The following FAAH2 variants were observed in gnomAD, a reference collection of about 807,000 sequenced individuals.
FAAH2 encodes fatty acid amide hydrolase 2.
FAAH2 carries 60 observed loss-of-function variants against 36.9 expected under a neutral mutation model. The observed-to-expected ratio is 1.63, with a 90% CI of 1.32 to 2.02. The LOEUF is 2.02. Ranked by LOEUF, FAAH2 falls within the 30% of genes most tolerant of loss-of-function variation. FAAH2 has a pLI of 0.00. For synonymous variants in FAAH2, 214 were observed against 143.8 expected (o/e 1.49, Z -3.49); for missense variants, 689 against 397.5 (o/e 1.73, Z -6.23).
At chrX:57,479,141 T>G (rs147963066) in intron 10 of FAAH2, among the ~76,000 whole-genome samples, 3 of 110,444 alleles carry the variant, frequency 2.7e-5, no homozygotes, top group East Asian at 2.8e-4. Flanking sequence ...TCTTCCATTT[T>G]TTTGTATCCT....
chrX:57,156,455 C>T, the FAAH2 span, among the ~76,000 whole-genome samples: 1 of 111,794 alleles, frequency 8.9e-6, no homozygotes, highest in Non-Finnish European at 1.9e-5. Context: ...TCTTCAGTAT[C>T]TGGGCATTGA....
chrX:57,362,069 C>T (rs1228983887), intron 5 of FAAH2, among the ~76,000 whole-genome samples: 1 of 111,075 alleles, frequency 9.0e-6, no homozygotes, highest in Non-Finnish European at 1.9e-5. Context: ...ATGGTCCTTT[C>T]TTTGTTCTTG....
chrX:57,460,205 G>A (rs1335878233), intron 10 of FAAH2, among the ~76,000 whole-genome samples: 2 of 111,753 alleles, frequency 1.8e-5, no homozygotes, highest in Middle Eastern at 4.7e-3. Flanking sequence ...AAGTGATGAG[G>A]AGAATGGAAC....
At chrX:57,238,001 G>A in the FAAH2 span, among the ~76,000 whole-genome samples, 1 of 111,370 alleles carries the variant, frequency 9.0e-6, no homozygotes, top group Non-Finnish European at 1.9e-5. Context: ...AACATAGCAG[G>A]TATTGGCAAG....
At chrX:57,135,634 G>A in the FAAH2 span, 2 of 979,613 alleles carry the variant, frequency 2.0e-6, no homozygotes, top group Non-Finnish European at 2.7e-6. Context: ...AAGACAAAGG[G>A]CTTACAGACA....
chrX:57,237,769 C>T, the FAAH2 span, among the ~76,000 whole-genome samples: 6 of 110,296 alleles, frequency 5.4e-5, no homozygotes, highest in African/African-American at 2.0e-4. Context: ...ATCTAATATC[C>T]AGCATCTATA....
At chrX:57,137,433 C>T in the FAAH2 span, 2 of 669,001 alleles carry the variant, frequency 3.0e-6, no homozygotes, top group Non-Finnish European at 3.6e-6. Flanking sequence ...CGCTCGCTGG[C>T]CGTCTACCTC....
chrX:57,183,346 T>G, the FAAH2 span, among the ~76,000 whole-genome samples: 14 of 106,177 alleles, frequency 1.3e-4, no homozygotes, highest in African/African-American at 4.2e-4. Context: ...TAGTAATTAA[T>G]ACATTGAAAA....
chrX:57,251,275 G>A, the FAAH2 span, among the ~76,000 whole-genome samples: 1 of 112,012 alleles, frequency 8.9e-6, no homozygotes, highest in Non-Finnish European at 1.9e-5. Context: ...AATAGATGCA[G>A]TGAAAGCGTT....
intron 10 of FAAH2, among the ~76,000 whole-genome samples, chrX:57,464,806 G>T (rs771408663): frequency 9.0e-6 from 1 of 111,165 alleles, no homozygotes; most frequent in South Asian, 3.7e-4. Flanking sequence ...ATTTACTCAA[G>T]TAACAAATCT....
intron 2 of FAAH2, among the ~76,000 whole-genome samples, chrX:57,297,503 C>T (rs965025463): frequency 1.0e-5 from 1 of 99,164 alleles, no homozygotes; most frequent in Non-Finnish European, 2.0e-5. Context: ...AAAAACCTGC[C>T]AAATTGTAAA....
chrX:57,189,168 T>A, the FAAH2 span, among the ~76,000 whole-genome samples: 1 of 110,859 alleles, frequency 9.0e-6, no homozygotes, highest in Non-Finnish European at 1.9e-5. Flanking sequence ...TTCTTCCACT[T>A]GATCAGTTTG....
At chrX:57,123,904 C>A in the FAAH2 span, among the ~76,000 whole-genome samples, 3 of 111,858 alleles carry the variant, frequency 2.7e-5, no homozygotes, top group Admixed American at 2.8e-4. Context: ...TGGATATTAG[C>A]CCTTTGTCAG....
At chrX:57,220,176 C>A in the FAAH2 span, among the ~76,000 whole-genome samples, 1 of 108,837 alleles carries the variant, frequency 9.2e-6, no homozygotes, top group Non-Finnish European at 1.9e-5. Context: ...CTGCTGTCCA[C>A]CCCTCCCAGC....
At chrX:57,487,826 C>A (rs903465226) in intron 10 of FAAH2, among the ~76,000 whole-genome samples, 3 of 111,670 alleles carry the variant, frequency 2.7e-5, no homozygotes, top group Non-Finnish European at 3.8e-5. Flanking sequence ...AAGACATAAA[C>A]AAATGTGTAA....
chrX:57,373,056 A>G (rs755416863), intron 5 of FAAH2, among the ~76,000 whole-genome samples: 1 of 111,592 alleles, frequency 9.0e-6, no homozygotes, highest in East Asian at 2.8e-4. Flanking sequence ...CCAATATTTC[A>G]TTCCTCTTTA....
At chrX:57,141,609 ACCTATTATTGGT>A in the FAAH2 span, among the ~76,000 whole-genome samples, 1 of 111,071 alleles carries the variant, frequency 9.0e-6, no homozygotes, top group Non-Finnish European at 1.9e-5. Context: ...CTATCTCATT[ACCTATTATTGGT>A]CCGTTCAGGT....
intron 8 of FAAH2, among the ~76,000 whole-genome samples, chrX:57,438,444 A>G (rs1490987886): frequency 9.2e-6 from 1 of 108,558 alleles, no homozygotes; most frequent in African/African-American, 3.3e-5. Flanking sequence ...AGATGACACA[A>G]ATAAATGGAG....
At chrX:57,386,268 C>T (rs1338775515) in intron 7 of FAAH2, among the ~76,000 whole-genome samples, 1 of 111,013 alleles carries the variant, frequency 9.0e-6, no homozygotes. Context: ...CCACCAGGGA[C>T]ATAGGTAAAG....
Sources: gnomAD v4.1 joint callset for allele counts (sites outside exome capture counted in the v4.1 genomes callset) on GRCh38, gnomAD v4.1.1 for gene constraint, MANE v1.5 for transcripts, NCBI Gene and HGNC (gene_info 2026-07-23, HGNC 2026-07-21) for gene names.